The following FSHR variants were observed in gnomAD, a reference collection of about 807,000 sequenced individuals.
The protein encoded by FSHR is follicle-stimulating hormone receptor.
In FSHR, 46 loss-of-function variants were observed where a neutral mutation model predicts 52.1. The ratio of observed to expected loss-of-function variants is 0.88; its 90% CI spans 0.70 to 1.13. FSHR has a LOEUF of 1.13. FSHR is among the 50% of genes most tolerant of loss of function. FSHR has a pLI of 0.00. For synonymous variants in FSHR, 399 were observed against 309.6 expected, an observed-to-expected ratio of 1.29 and a Z score of -3.03; for missense variants, 964 against 834.6, an observed-to-expected ratio of 1.16 and a Z score of -1.91.
At chr2:49,103,931 C>T (rs1671129972) in intron 1 of FSHR, among the ~76,000 whole-genome samples, 1 of 150,344 alleles carries the variant, frequency 6.7e-6, no homozygotes, top group Non-Finnish European at 1.5e-5. Flanking sequence ...TGGTTTTCCC[C>T]AAAGCTCAAA....
chr2:49,019,621 T>G (rs893961340), intron 3 of FSHR, among the ~76,000 whole-genome samples: 1 of 152,236 alleles, frequency 6.6e-6, no homozygotes, highest in East Asian at 1.9e-4. Flanking sequence ...CTATGACATA[T>G]GTAATTTTAT....
chr2:49,003,012 G>C (rs893419180), intron 4 of FSHR, among the ~76,000 whole-genome samples: 3 of 152,108 alleles, frequency 2.0e-5, no homozygotes, highest in Non-Finnish European at 2.9e-5. Context: ...TCTCTTCTTA[G>C]CACTGCTATC....
intron 1 of FSHR, among the ~76,000 whole-genome samples, chr2:49,098,460 G>C (rs1211765872): frequency 6.6e-6 from 1 of 151,934 alleles, no homozygotes; most frequent in African/African-American, 2.4e-5. Flanking sequence ...AGTGTAAATA[G>C]AATTTGACCA....
chr2:49,029,504 C>T (rs1391007484), intron 2 of FSHR, among the ~76,000 whole-genome samples: 2 of 152,098 alleles, frequency 1.3e-5, no homozygotes, highest in South Asian at 4.1e-4. Context: ...CAAAGGAAGC[C>T]CTTCATCACT....
rs543571023 is a variant in FSHR at position 49,101,560 on chromosome 2, A to G, written c.153-33270T>C. Among the ~76,000 whole-genome samples, 11 of 152,280 alleles carry G rather than the reference A, an allele frequency of 7.2e-5. No homozygotes were observed. In the South Asian group the frequency reaches 2.3e-3, roughly 32 times the overall value. On this transcript the variant is annotated intron_variant, in intron 1 of 9. Transcript: ENST00000406846. ...TTTTCTAAATTACAAAGAAGGCAAG[A>G]ACATTTACTCCAAGTGTGGGGGTAT... is the stretch of plus-strand genomic sequence containing the variant.
chr2:49,024,252 T>C (rs1667840121), intron 2 of FSHR, among the ~76,000 whole-genome samples: 2 of 151,846 alleles, frequency 1.3e-5, no homozygotes, highest in Admixed American at 1.3e-4. Flanking sequence ...CTGCACATCA[T>C]GTATCCCAGA....
chr2:49,105,204 C>T (rs1282773374), intron 1 of FSHR, among the ~76,000 whole-genome samples: 1 of 152,066 alleles, frequency 6.6e-6, no homozygotes, highest in East Asian at 1.9e-4. Flanking sequence ...TTAGGAACAG[C>T]CTTGAAAAGT....
chr2:49,046,111 A>G (rs974116313), intron 2 of FSHR, among the ~76,000 whole-genome samples: 9 of 152,212 alleles, frequency 5.9e-5, no homozygotes, highest in Admixed American at 2.6e-4. Flanking sequence ...GTAGGAACAA[A>G]TACTTGTCCC....
intron 1 of FSHR, among the ~76,000 whole-genome samples, chr2:49,134,327 C>G (rs1389654589): frequency 6.6e-6 from 1 of 152,218 alleles, no homozygotes; most frequent in East Asian, 1.9e-4. Flanking sequence ...CTCATCATCA[C>G]TGGCCATCAG....
At chr2:49,024,435 G>A (rs1248858009) in intron 2 of FSHR, among the ~76,000 whole-genome samples, 5 of 152,082 alleles carry the variant, frequency 3.3e-5, no homozygotes, top group Non-Finnish European at 5.9e-5. Context: ...TTAGTCATGC[G>A]TGGTGGTGCA....
At chr2:49,062,397 A>G (rs1008383383) in intron 2 of FSHR, among the ~76,000 whole-genome samples, 2 of 152,154 alleles carry the variant, frequency 1.3e-5, no homozygotes, top group Non-Finnish European at 2.9e-5. Context: ...ATATTTCACC[A>G]TATACAAAAG....
At chr2:49,149,067 A>T (rs6733807) in intron 1 of FSHR, among the ~76,000 whole-genome samples, 28,856 of 151,574 alleles carry the variant, frequency 0.19, 2,879 homozygotes, top group East Asian at 0.27. Flanking sequence ...TAATTTTTTT[A>T]AAAAAAATAT....
chr2:48,978,137 G>T (rs1019847518), intron 8 of FSHR, among the ~76,000 whole-genome samples: 6 of 152,194 alleles, frequency 3.9e-5, no homozygotes, highest in African/African-American at 1.4e-4. Flanking sequence ...AGTAGCAAGA[G>T]AGACTGCATG....
intron 1 of FSHR, among the ~76,000 whole-genome samples, chr2:49,098,808 G>T (rs1670919986): frequency 1.4e-5 from 2 of 144,260 alleles, no homozygotes. Context: ...TTTATAATAT[G>T]TATACTTATA....
At chr2:49,111,605 T>C (rs1671424285) in intron 1 of FSHR, among the ~76,000 whole-genome samples, 1 of 152,158 alleles carries the variant, frequency 6.6e-6, no homozygotes, top group African/African-American at 2.4e-5. Context: ...TGCACAGTGC[T>C]GGAAGGAGCC....
chr2:48,978,222 G>A (rs1675080024), intron 8 of FSHR, among the ~76,000 whole-genome samples: 1 of 152,174 alleles, frequency 6.6e-6, no homozygotes, highest in Admixed American at 6.5e-5. Context: ...TTAATAAAGT[G>A]TGTTATAGCC....
rs114853102 is a variant in FSHR at position 49,028,616 on chromosome 2, T to A, written c.225-8456A>T. On this transcript the variant is annotated intron_variant, in intron 2 of 9. Coordinates refer to ENST00000406846, the MANE Select transcript of FSHR (RefSeq NM_000145.4). ...TCCTGGGAGCATAGCTGGACTACAT[T>A]TCTTGGCCAATCTTACTGTTAGTTG... 4.6e-3 allele frequency among the ~76,000 whole-genome samples: 701 copies of A among 152,344 alleles called. 1 individual carries two copies. The highest frequency in any genetic ancestry group is 8.0e-3 in the Non-Finnish European group (543 of 68,034).
At chr2:49,146,885 C>A (rs1672890502) in intron 1 of FSHR, among the ~76,000 whole-genome samples, 1 of 151,916 alleles carries the variant, frequency 6.6e-6, no homozygotes, top group African/African-American at 2.4e-5. Context: ...TAGAAAGATA[C>A]AAAAATGGGC....
At chr2:49,014,143 G>A (rs1667398059) in intron 4 of FSHR, among the ~76,000 whole-genome samples, 1 of 152,172 alleles carries the variant, frequency 6.6e-6, no homozygotes, top group Admixed American at 6.5e-5. Context: ...TAGTCTGTTA[G>A]AGCAGCCCAA....
Sources: gnomAD v4.1 joint callset for allele counts (sites outside exome capture counted in the v4.1 genomes callset) on GRCh38, gnomAD v4.1.1 for gene constraint, MANE v1.5 for transcripts, NCBI Gene and HGNC (gene_info 2026-07-23, HGNC 2026-07-21) for gene names.